The following SLC7A7 variants were observed in gnomAD, a reference collection of about 807,000 sequenced individuals.
The protein encoded by SLC7A7 is solute carrier family 7 member 7.
A neutral mutation model predicts 47.9 loss-of-function variants in SLC7A7; 39 were observed. That is an observed-to-expected ratio of 0.81 (90% confidence interval 0.63 to 1.06). The LOEUF (loss-of-function observed/expected upper bound fraction) is 1.06. SLC7A7 is among the 50% of genes least tolerant of loss of function. The pLI is 0.00. For synonymous variants in SLC7A7, 234 were observed against 242.8 expected (o/e 0.96, Z 0.34); for missense variants, 588 against 632.0 (o/e 0.93, Z 0.75).
chr14:22,786,770 C>G (rs1444059958), intron 2 of SLC7A7, among the ~76,000 whole-genome samples: 1 of 152,054 alleles, frequency 6.6e-6, no homozygotes, highest in Non-Finnish European at 1.5e-5. Flanking sequence ...CACATCTCCA[C>G]AAAACATTTT....
intron 2 of SLC7A7, among the ~76,000 whole-genome samples, chr14:22,792,718 G>A (rs1412811083): frequency 4.0e-5 from 6 of 151,548 alleles, no homozygotes; most frequent in East Asian, 2.0e-4. Context: ...TTAGCCAGCC[G>A]TGGTGGCGCA....
intron 2 of SLC7A7, among the ~76,000 whole-genome samples, chr14:22,794,353 A>G (rs965793674): frequency 6.6e-6 from 1 of 152,182 alleles, no homozygotes; most frequent in East Asian, 1.9e-4. Flanking sequence ...GAACTCAGTC[A>G]GCACTTTGGT....
At chr14:22,814,132 GAA>G (rs895053397) in intron 1 of SLC7A7, among the ~76,000 whole-genome samples, 4 of 151,748 alleles carry the variant, frequency 2.6e-5, no homozygotes, top group Non-Finnish European at 2.9e-5. Context: ...TCGCCAGAGA[GAA>G]AGGATCTGTC....
At position 22,812,773 on chromosome 14, in the gene SLC7A7, CTATA is replaced by C. The variant is rs58930730; in HGVS notation, c.499+123_499+126del. The C allele has an allele frequency of 0.29, 127,423 of 438,422 alleles. 18,045 individuals carry two copies. Among genetic ancestry groups the C allele is most frequent in the South Asian group, 0.47 (9,286 of 19,750 alleles). 27.2% of individuals were successfully genotyped at this position (438,422 alleles called of 1,614,324 possible). A position where few individuals can be genotyped will look rare whatever the true frequency, so the allele number is the denominator to read the frequency against. On this transcript the variant is annotated intron_variant, in intron 2 of 9. Coordinates refer to ENST00000674313, the MANE Select transcript of SLC7A7 (RefSeq NM_003982.4). ...AATTTTCACACAAAGCATACTTTAA[CTATA>C]TATATATATATATATGTTGTCAGAG...
chr14:22,807,700 G>A (rs1029777377), intron 2 of SLC7A7, among the ~76,000 whole-genome samples: 3 of 151,996 alleles, frequency 2.0e-5, no homozygotes. Flanking sequence ...CCAAACCAAC[G>A]ACCTGGAATT....
At chr14:22,789,920 C>T (rs1301767443) in intron 2 of SLC7A7, among the ~76,000 whole-genome samples, 1 of 152,122 alleles carries the variant, frequency 6.6e-6, no homozygotes, top group Non-Finnish European at 1.5e-5. Flanking sequence ...AGTGCTACTT[C>T]ATATTAGCCC....
At chr14:22,815,252 T>C (rs2039387989) in intron 1 of SLC7A7, 68 bp downstream of exon 1, 1 of 418,078 alleles carries the variant, frequency 2.4e-6, no homozygotes. Context: ...GATTAGACAC[T>C]GCACAGCAGC....
At chr14:22,775,409 A>G (rs781609196) in intron 7 of SLC7A7, 35 bp downstream of exon 7, 7 of 1,551,434 alleles carry the variant, frequency 4.5e-6, no homozygotes, top group South Asian at 1.1e-5. Flanking sequence ...TTCCCCCGCA[A>G]TCTGGCTTTC....
chr14:22,817,335 T>C, upstream of SLC7A7: 1 of 220,366 alleles, frequency 4.5e-6, no homozygotes, highest in Non-Finnish European at 9.1e-6. Context: ...TTTTATTTTA[T>C]TTTATTTTAT....
chr14:22,815,326 G>T lies in SLC7A7; in HGVS notation c.-49C>A. ...GGGTGGAACGCACACTCACTCCTTG[G>T]TCCTGGATATAAGCAGGTTCTCACG... is the stretch of plus-strand genomic sequence containing the variant. On this transcript the variant is annotated 5_prime_UTR_variant, in exon 1 of 10. Transcript: ENST00000674313. 2.2e-6 allele frequency: 1 copy of T among 454,272 alleles called. No homozygotes were observed. The highest frequency in any genetic ancestry group is 4.4e-6 in the Non-Finnish European group (1 of 226,566). The allele number at this position is 454,272 out of a possible 1,614,324, so 28.1% of individuals were successfully genotyped here.
At chr14:22,814,872 A>T (rs1380500502) in intron 1 of SLC7A7, 1 of 174,974 alleles carries the variant, frequency 5.7e-6, no homozygotes, top group Non-Finnish European at 1.2e-5. Context: ...GCCCAAGTAG[A>T]CCCACTTCAC....
intron 2 of SLC7A7, among the ~76,000 whole-genome samples, chr14:22,805,456 C>T (rs921100244): frequency 3.3e-5 from 5 of 152,170 alleles, no homozygotes; most frequent in African/African-American, 1.2e-4. Flanking sequence ...AGATCATGTC[C>T]TTTGCAGGGA....
intron 2 of SLC7A7, among the ~76,000 whole-genome samples, chr14:22,812,696 G>A (rs1419166559): frequency 6.7e-6 from 1 of 149,254 alleles, no homozygotes; most frequent in Non-Finnish European, 1.5e-5. Context: ...TGCTTACTGT[G>A]AGAAGCTGGG....
chr14:22,780,180 T>G, intron 2 of SLC7A7, 129 bp from the exon 3 acceptor site: 2 of 1,318,434 alleles, frequency 1.5e-6, no homozygotes. Flanking sequence ...CCCTCTGACC[T>G]GCTCTGCACT....
chr14:22,776,103 C>T lies in SLC7A7; in HGVS notation c.894+92G>A. On this transcript the variant is annotated intron_variant, in intron 5 of 9. Coordinates refer to ENST00000674313, the MANE Select transcript of SLC7A7 (RefSeq NM_003982.4). ...TATTCTAAATGAACTCCTTTCAAGG[C>T]TGTCTACCCCCTTTCCAGGACTTTC... 2.6e-6 allele frequency: 4 copies of T among 1,567,350 alleles called. No homozygotes were observed. The South Asian group carries it at 3.3e-5, about 13-fold the overall frequency.
intron 2 of SLC7A7, among the ~76,000 whole-genome samples, chr14:22,787,790 T>TGACTAAG (rs1470998785): frequency 6.7e-6 from 1 of 149,010 alleles, no homozygotes; most frequent in Non-Finnish European, 1.5e-5. Flanking sequence ...ATTAAAATGT[T>TGACTAAG]AGGCCGGGCA....
intron 2 of SLC7A7, among the ~76,000 whole-genome samples, chr14:22,792,746 A>T (rs1254704437): frequency 6.6e-6 from 1 of 150,750 alleles, no homozygotes; most frequent in Non-Finnish European, 1.5e-5. Context: ...AATCCTAGCT[A>T]CCTGGGAGTC....
intron 3 of SLC7A7, 128 bp downstream of exon 3, chr14:22,779,798 G>A (rs2038683242): frequency 1.1e-5 from 10 of 920,838 alleles, no homozygotes; most frequent in Non-Finnish European, 6.8e-6. Flanking sequence ...CATAAAATGA[G>A]AATAATAATA....
chr14:22,805,836 A>C (rs1409592340), intron 2 of SLC7A7, among the ~76,000 whole-genome samples: 2 of 152,206 alleles, frequency 1.3e-5, no homozygotes, highest in African/African-American at 4.8e-5. Flanking sequence ...ATGTATGCTC[A>C]TCAATAAACT....
Sources: allele counts gnomAD v4.1 joint callset (sites outside exome capture counted in the v4.1 genomes callset), GRCh38; gene constraint gnomAD v4.1.1; transcripts MANE v1.5; gene names NCBI Gene and HGNC (gene_info 2026-07-23, HGNC 2026-07-21).